TP53BP1: variants seen among roughly 807,000 people sequenced by gnomAD.
TP53BP1 encodes the protein tumor protein p53 binding protein 1, also known as TP53-binding protein 1.
TP53BP1 carries 61 observed loss-of-function variants against 200.8 expected under a neutral mutation model. That is an observed-to-expected ratio of 0.30 (90% CI 0.25 to 0.38). TP53BP1 has a LOEUF of 0.38. Among genes scored for constraint, TP53BP1 ranks in the 10% least tolerant of loss-of-function variants. The pLI, the probability that TP53BP1 is intolerant of heterozygous loss-of-function variation, is 1.00. For missense variants in TP53BP1, 2,144 were observed against 2,371.9 expected (o/e 0.90, Z 2.00); for synonymous variants, 822 against 844.3 (o/e 0.97, Z 0.46).
intron 4 of TP53BP1, among the ~76,000 whole-genome samples, chr15:43,489,972 G>A (rs2079098400): frequency 6.6e-6 from 1 of 152,068 alleles, no homozygotes; most frequent in Non-Finnish European, 1.5e-5. Context: ...GAGTGCAGCG[G>A]CACAATCACG....
At chr15:43,474,290 C>T (rs940871535) in intron 10 of TP53BP1, among the ~76,000 whole-genome samples, 1 of 152,100 alleles carries the variant, frequency 6.6e-6, no homozygotes, top group African/African-American at 2.4e-5. Context: ...GCTGAGGGAG[C>T]GGGCTCCAGC....
chr15:43,437,397 C>T (rs2045823707), intron 16 of TP53BP1, among the ~76,000 whole-genome samples: 1 of 152,086 alleles, frequency 6.6e-6, no homozygotes, highest in Non-Finnish European at 1.5e-5. Context: ...CTTCTGGACG[C>T]CAAGGTGGGA....
At chr15:43,424,905 C>A (rs2045490624) in intron 18 of TP53BP1, among the ~76,000 whole-genome samples, 1 of 152,202 alleles carries the variant, frequency 6.6e-6, no homozygotes, top group Admixed American at 6.5e-5. Context: ...GGGCTCTGCC[C>A]TCATGAATGG....
At position 43,484,906 on chromosome 15, in the gene TP53BP1, A is replaced by G. The variant is rs887241684; in HGVS notation, c.372-3884T>C. On this transcript the variant is annotated intron_variant, in intron 4 of 27. Coordinates refer to ENST00000382044, the MANE Select transcript of TP53BP1 (RefSeq NM_001141980.3). The stretch of plus-strand genomic sequence containing the variant: ...GCTGGGATCACAGGCGCACACTACC[A>G]TGCCTGGCTTACTGTGTATTTTTTG... Among the ~76,000 whole-genome samples, 8 of 152,024 alleles carry G rather than the reference A, an allele frequency of 5.3e-5. 1 individual carries two copies. The highest frequency in any genetic ancestry group is 3.9e-4 in the Admixed American group (6 of 15,284).
At chr15:43,479,131 A>G (rs529751624) in intron 7 of TP53BP1, among the ~76,000 whole-genome samples, 1 of 152,156 alleles carries the variant, frequency 6.6e-6, no homozygotes, top group Admixed American at 6.6e-5. Flanking sequence ...TGGCCCCAGT[A>G]CTTGGGAGGC....
chr15:43,432,869 C>T (rs992588376), intron 16 of TP53BP1, among the ~76,000 whole-genome samples, 192 bp from the exon 17 acceptor site: 1 of 151,784 alleles, frequency 6.6e-6, no homozygotes, highest in Non-Finnish European at 1.5e-5. Flanking sequence ...TATAATTTCA[C>T]TCCTGTAAAA....
chr15:43,435,758 C>T (rs1293215916), intron 16 of TP53BP1, among the ~76,000 whole-genome samples: 1 of 151,994 alleles, frequency 6.6e-6, no homozygotes, highest in East Asian at 1.9e-4. Context: ...TGCAGTGGCA[C>T]CATCTTGGCT....
chr15:43,492,316 T>C lies in TP53BP1; in HGVS notation c.160A>G (p.Asn54Asp), dbSNP rs146795763. The change falls in exon 2 of 28, where the codon AAT (asparagine) becomes GAT (aspartate). Residue 54 changes from asparagine (N) to aspartate (D), a missense_variant. Around this residue, in one of 4 missense-constraint regions of TP53BP1, gnomAD observed 1,700 missense variants for 1,710.3 expected, o/e 0.99. Coordinates refer to ENST00000382044, the MANE Select transcript of TP53BP1 (RefSeq NM_001141980.3). The stretch of plus-strand genomic sequence containing the variant: ...GGATTTTCTTTGTGCGTCTGGAGAT[T>C]AGGAAGGTGTCGAGATAGCATACTG... ...HFSMLSRHLP[N>D]LQTHKENPVL... The C allele has an allele frequency of 1.2e-6, 2 of 1,614,142 alleles. No individual in the cohort carries two copies. Among genetic ancestry groups the C allele is most frequent in the Non-Finnish European group, 1.7e-6 (2 of 1,180,008 alleles).
In TP53BP1 at chr15:43,408,880, G is replaced by A. The variant is rs1485315785; in HGVS notation, c.5600+17C>T. The A allele has an allele frequency of 1.1e-5, 17 of 1,612,194 alleles. No homozygotes were observed. The highest frequency in any genetic ancestry group is 1.4e-5 in the Non-Finnish European group (17 of 1,178,510). Reference sequence around the variant, plus strand: ...TCCTCCTGCCTATACAATTCTGGATGGGCTTCAAATACTTACCAGTCCAGA... The same window carrying A: ...TCCTCCTGCCTATACAATTCTGGATAGGCTTCAAATACTTACCAGTCCAGA... On this transcript the variant is annotated intron_variant, in intron 26 of 27. Coordinates refer to ENST00000382044, the MANE Select transcript of TP53BP1 (RefSeq NM_001141980.3).
At chr15:43,499,754 T>G (rs945380776) in intron 1 of TP53BP1, among the ~76,000 whole-genome samples, 2 of 152,240 alleles carry the variant, frequency 1.3e-5, no homozygotes, top group Admixed American at 6.5e-5. Context: ...GTTCATTTAT[T>G]AATTTCAATT....
chr15:43,435,938 A>G (rs1595552112), intron 16 of TP53BP1, among the ~76,000 whole-genome samples: 1 of 150,648 alleles, frequency 6.6e-6, no homozygotes. Flanking sequence ...TCAAGTGGTC[A>G]CCCCTCCTCA....
At position 43,493,055 on chromosome 15, in the gene TP53BP1, G is replaced by T; in HGVS notation, c.-12C>A. 6.2e-7 allele frequency: 1 copy of T among 1,613,020 alleles called. No individual in the cohort carries two copies. Among genetic ancestry groups the T allele is most frequent in the Non-Finnish European group, 8.5e-7 (1 of 1,179,658 alleles). ...ACAGTACCAGGCATCCCGGCGGGAG[G>T]TCCCTCGCGCTCGAGCTAGAGGTCT... is the stretch of plus-strand genomic sequence containing the variant. On this transcript the variant is annotated 5_prime_UTR_variant, in exon 1 of 28. Transcript: ENST00000382044.
rs1485033924 is a variant in TP53BP1, at chr15:43,406,309, T to A, written c.*1074A>T. On this transcript the variant is annotated 3_prime_UTR_variant, in exon 28 of 28. Coordinates refer to ENST00000382044, the MANE Select transcript of TP53BP1 (RefSeq NM_001141980.3). Reference sequence around the variant, plus strand: ...GCAGTGTTCTGGCATCAGGTTATAGTCACTGCATCTGGTTTTCATCACTAC... The same window carrying A: ...GCAGTGTTCTGGCATCAGGTTATAGACACTGCATCTGGTTTTCATCACTAC... 2.4e-5 allele frequency: 6 copies of A among 252,744 alleles called. No homozygotes were observed. 15.7% of individuals were successfully genotyped at this position (252,744 alleles called of 1,614,324 possible).
intron 12 of TP53BP1, 62 bp downstream of exon 12, chr15:43,455,830 C>A: frequency 6.3e-7 from 1 of 1,585,610 alleles, no homozygotes. Flanking sequence ...GCAGTTCTCG[C>A]CAACTTTCCA....
chr15:43,461,809 C>T (rs1422773796), intron 11 of TP53BP1, among the ~76,000 whole-genome samples: 3 of 151,586 alleles, frequency 2.0e-5, no homozygotes, highest in Non-Finnish European at 4.4e-5. Context: ...ACTGGGATTA[C>T]AGGTGCCCGC....
At chr15:43,432,851 C>T (rs1306985523) in intron 16 of TP53BP1, among the ~76,000 whole-genome samples, 174 bp from the exon 17 acceptor site, 1 of 151,774 alleles carries the variant, frequency 6.6e-6, no homozygotes, top group East Asian at 1.9e-4. Flanking sequence ...CCTTGGGAGG[C>T]CTCTCATTAT....
At chr15:43,469,471 A>G (rs543983660) in intron 11 of TP53BP1, among the ~76,000 whole-genome samples, 10 of 152,336 alleles carry the variant, frequency 6.6e-5, no homozygotes, top group East Asian at 5.8e-4. Context: ...GTGGGGGCAC[A>G]TATCGTCAGG....
chr15:43,463,934 T>G (rs983016435), intron 11 of TP53BP1, among the ~76,000 whole-genome samples: 9 of 152,090 alleles, frequency 5.9e-5, no homozygotes, highest in African/African-American at 1.9e-4. Context: ...AAAGCCCGCT[T>G]CCATTAATAG....
At chr15:43,408,278 G>T in intron 26 of TP53BP1, 190 bp from the exon 27 acceptor site, 1 of 570,752 alleles carries the variant, frequency 1.8e-6, no homozygotes, top group Non-Finnish European at 3.1e-6. Context: ...GGGAGTTCGA[G>T]ACCAGCCTGG....
Sources: allele counts gnomAD v4.1 joint callset (sites outside exome capture counted in the v4.1 genomes callset), GRCh38; gene constraint gnomAD v4.1.1; regional missense constraint gnomAD v4.1.1; transcripts MANE v1.5; gene names NCBI Gene and HGNC (gene_info 2026-07-23, HGNC 2026-07-21).